The following DIPK2A variants were observed in gnomAD, a reference collection of about 807,000 sequenced individuals.
The protein encoded by DIPK2A is divergent protein kinase domain 2A.
In DIPK2A, 27 loss-of-function variants were observed where a neutral mutation model predicts 39.0. The observed-to-expected ratio is 0.69, with a 90% CI of 0.51 to 0.96. The LOEUF (loss-of-function observed/expected upper bound fraction) is 0.96, where lower values mean the gene tolerates loss of function less well. DIPK2A is among the 40% of genes least tolerant of loss of function. The probability of loss-of-function intolerance (pLI) is 0.00; values close to 1 mark genes in which losing one functional copy is unlikely to be tolerated. For missense variants in DIPK2A, 528 were observed against 571.3 expected (o/e 0.92, Z 0.77); for synonymous variants, 298 against 240.8 (o/e 1.24, Z -2.20).
rs2087956361 is a variant in DIPK2A, at chr3:143,989,880, C to T, written c.*39C>T. The stretch of plus-strand genomic sequence containing the variant: ...TTTCTTTTTTTCTCCATTTAAACAG[C>T]ACTGGCTAAAACTAAACCACCAAAA... On this transcript the variant is annotated 3_prime_UTR_variant, in exon 3 of 3. Transcript: ENST00000315691. 1.3e-6 allele frequency: 2 copies of T among 1,497,276 alleles called. No individual in the cohort carries two copies. Among genetic ancestry groups the T allele is most frequent in the East Asian group, 2.3e-5 (1 of 44,002 alleles). 92.7% of individuals were successfully genotyped at this position (1,497,276 alleles called of 1,614,324 possible).
chr3:143,973,621 A>T, intron 1 of DIPK2A: 1 of 1,376,886 alleles, frequency 7.3e-7, no homozygotes, highest in Non-Finnish European at 1.0e-6. Context: ...CAGGAAAAGT[A>T]AGGCAGCGTT....
rs746962014 is a variant in DIPK2A, at chr3:143,989,795, A to G, written c.1247A>G (p.Lys416Arg). Residue 416 changes from lysine (K) to arginine (R), a missense_variant, in exon 3 of 3, where the codon AAA (lysine) becomes AGA (arginine). Around this residue, in one of 2 missense-constraint regions of DIPK2A, gnomAD observed 219 missense variants for 281.5 expected, o/e 0.78. Coordinates refer to ENST00000315691, the MANE Select transcript of DIPK2A (RefSeq NM_173552.5). ...CGCTATGGCAGATTCCAGGCTGCAA[A>G]AGAACTGCGTGAATACCTAGCACAA... The part of the protein sequence containing the change: ...KKRYGRFQAA[K>R]ELREYLAQLS... The G allele has an allele frequency of 1.4e-5, 23 of 1,614,154 alleles. No homozygotes were observed. Among genetic ancestry groups the G allele is most frequent in the Non-Finnish European group, 1.9e-5 (22 of 1,180,032 alleles).
At chr3:143,989,477 T>G in intron 2 of DIPK2A, 33 bp from the exon 3 acceptor site, 3 of 1,472,284 alleles carry the variant, frequency 2.0e-6, no homozygotes, top group South Asian at 1.3e-5. Context: ...TTTAAAAAAT[T>G]TTTTTCTACT....
chr3:143,978,676 A>C (rs372966753), intron 1 of DIPK2A, among the ~76,000 whole-genome samples: 38 of 46,696 alleles, frequency 8.1e-4, no homozygotes, highest in Admixed American at 6.9e-3. Flanking sequence ...ATAGATATAT[A>C]TATATCTATA....
intron 1 of DIPK2A, among the ~76,000 whole-genome samples, chr3:143,981,307 C>G (rs1371049018): frequency 6.6e-6 from 1 of 152,170 alleles, no homozygotes; most frequent in East Asian, 1.9e-4. Context: ...GCTATAAAGA[C>G]TGAGTTGAAG....
intron 1 of DIPK2A, chr3:143,978,642 A>ATATCTATATCTATATATATATC (rs2087774557): frequency 2.9e-5 from 1 of 34,520 alleles, no homozygotes; most frequent in Non-Finnish European, 5.4e-5. Flanking sequence ...ATATATATCT[A>ATATCTATATCTATATATATATC]TATATATATA....
At chr3:143,979,109 T>C (rs1242410220) in intron 1 of DIPK2A, among the ~76,000 whole-genome samples, 1 of 152,214 alleles carries the variant, frequency 6.6e-6, no homozygotes, top group Non-Finnish European at 1.5e-5. Context: ...TAGTACATTA[T>C]GCTGATGTCT....
At position 143,989,546 on chromosome 3, in the gene DIPK2A, A is replaced by G. The variant is rs1454697908; in HGVS notation, c.998A>G (p.Lys333Arg). 1.9e-6 allele frequency: 3 copies of G among 1,613,970 alleles called. No homozygotes were observed. Among genetic ancestry groups the G allele is most frequent in the Admixed American group, 1.7e-5 (1 of 60,000 alleles). Residue 333 changes from lysine (K) to arginine (R), a missense_variant, in exon 3 of 3, where the codon AAG becomes AGG. Transcript: ENST00000315691. ...AATTGGGATGTATGGTATGAAAGCA[A>G]GTTTGATGACTGTGATAAGGAGGCT... The part of the protein sequence containing the change: ...PENWDVWYES[K>R]FDDCDKEACL...
rs1198340385 is a variant in DIPK2A at position 143,990,914 on chromosome 3, T to C, written c.*1073T>C. The C allele has an allele frequency of 6.5e-6, 1 of 152,676 alleles. No homozygotes were observed. The highest frequency in any genetic ancestry group is 1.9e-4 in the East Asian group (1 of 5,190). The allele number at this position is 152,676 out of a possible 1,614,324, so 9.5% of individuals were successfully genotyped here. ...GCTTTCAAGTAATTTAAAGTTATCCTACCTTTTATTCATGGGTAGTTTTGC... is the reference window on the plus strand; with the variant it reads ...GCTTTCAAGTAATTTAAAGTTATCCCACCTTTTATTCATGGGTAGTTTTGC... On this transcript the variant is annotated 3_prime_UTR_variant, in exon 3 of 3. Transcript: ENST00000315691.
rs1420777083 is a variant in DIPK2A, at chr3:143,972,760, G to A, written c.428G>A (p.Arg143Gln). ...TGCGACCTGCTGCAGGCCATGCCCC[G>A]GACCGAGTTCGCGCGCCTCAACGGC... ...PRCDLLQAMP[R>Q]TEFARLNGDV... The change falls in exon 1 of 3, where the codon CGG becomes CAG. Residue 143 changes from arginine (R) to glutamine (Q), a missense_variant. Around this residue, in one of 2 missense-constraint regions of DIPK2A, gnomAD observed 309 missense variants for 289.8 expected, o/e 1.07. Transcript: ENST00000315691. 6.3e-7 allele frequency: 1 copy of A among 1,575,848 alleles called. No individual in the cohort carries two copies. The highest frequency in any genetic ancestry group is 8.6e-7 in the Non-Finnish European group (1 of 1,164,802).
In DIPK2A at chr3:143,991,452, A is replaced by T. The variant is rs2087987105; in HGVS notation, c.*1611A>T. On this transcript the variant is annotated 3_prime_UTR_variant, in exon 3 of 3. Transcript: ENST00000315691. Reference sequence around the variant, plus strand: ...AGTTGAAATAGCATTAACTAGGATAATGCTTTCATGTTATTTTATTGTCTT... The same window carrying T: ...AGTTGAAATAGCATTAACTAGGATATTGCTTTCATGTTATTTTATTGTCTT... The T allele has an allele frequency of 6.6e-6, 1 of 152,638 alleles. No individual in the cohort carries two copies. The highest frequency in any genetic ancestry group is 6.5e-5 in the Admixed American group (1 of 15,288). The allele number at this position is 152,638 out of a possible 1,614,324, so 9.5% of individuals were successfully genotyped here.
At chr3:143,977,109 G>A (rs1259664528) in intron 1 of DIPK2A, among the ~76,000 whole-genome samples, 2 of 151,926 alleles carry the variant, frequency 1.3e-5, no homozygotes, top group Admixed American at 6.6e-5. Flanking sequence ...GCCTTTAAAA[G>A]TAATTTATAT....
chr3:143,981,647 C>G (rs1184373841), intron 1 of DIPK2A, among the ~76,000 whole-genome samples: 1 of 151,970 alleles, frequency 6.6e-6, no homozygotes, highest in Non-Finnish European at 1.5e-5. Context: ...CTGAAAAATT[C>G]TTAAACAGAT....
At chr3:143,978,688 A>ACAG (rs2087784402) in intron 1 of DIPK2A, among the ~76,000 whole-genome samples, 1 of 128,432 alleles carries the variant, frequency 7.8e-6, no homozygotes, top group African/African-American at 3.3e-5. Flanking sequence ...ATATCTATAT[A>ACAG]TATATATATA....
At chr3:143,983,481 CAGAAG>C (rs2087855152) in intron 1 of DIPK2A, among the ~76,000 whole-genome samples, 2 of 152,118 alleles carry the variant, frequency 1.3e-5, no homozygotes, top group East Asian at 1.9e-4. Flanking sequence ...AAAATTAAGG[CAGAAG>C]TAAATAAGTT....
intron 1 of DIPK2A, chr3:143,978,602 CTATATATATATATCTATATCTA>C (rs2087765120): frequency 7.3e-6 from 1 of 137,538 alleles, no homozygotes; most frequent in Non-Finnish European, 1.6e-5. Context: ...ATCTATCTAT[CTATATATATATATCTATATCTA>C]TATATATATA....
chr3:143,980,328 C>T (rs1489738675), intron 1 of DIPK2A, among the ~76,000 whole-genome samples: 9 of 152,134 alleles, frequency 5.9e-5, no homozygotes, highest in South Asian at 2.1e-4. Flanking sequence ...AGTGCAGTGG[C>T]GTGATCTCAG....
intron 1 of DIPK2A, 39 bp downstream of exon 1, chr3:143,973,028 G>T: frequency 6.5e-7 from 1 of 1,540,692 alleles, no homozygotes; most frequent in Non-Finnish European, 8.7e-7. Flanking sequence ...CCTGGGAGGG[G>T]CCGCGCGTGG....
At chr3:143,975,158 G>A (rs1209674673) in intron 1 of DIPK2A, among the ~76,000 whole-genome samples, 1 of 152,076 alleles carries the variant, frequency 6.6e-6, no homozygotes, top group Non-Finnish European at 1.5e-5. Context: ...ACGTTTTAGA[G>A]TGAGGTTTGT....
Sources: allele counts gnomAD v4.1 joint callset (sites outside exome capture counted in the v4.1 genomes callset), GRCh38; gene constraint gnomAD v4.1.1; regional missense constraint gnomAD v4.1.1; transcripts MANE v1.5; gene names NCBI Gene and HGNC (gene_info 2026-07-23, HGNC 2026-07-21).